ZNF730: variants seen among roughly 807,000 people sequenced by gnomAD.
The protein encoded by ZNF730 is zinc finger protein 730, also known as putative zinc finger protein 730.
In ZNF730, 12 loss-of-function variants were observed where a neutral mutation model predicts 12.6. The observed-to-expected ratio is 0.95, with a 90% CI of 0.61 to 1.54. ZNF730 has a LOEUF of 1.54. Ranked by LOEUF, ZNF730 falls within the 40% of genes most tolerant of loss-of-function variation. The pLI, the probability that ZNF730 is intolerant of heterozygous loss-of-function variation, is 0.00. For synonymous variants in ZNF730, 194 were observed against 195.8 expected, an observed-to-expected ratio of 0.99 and a Z score of 0.08; for missense variants, 643 against 583.5, an observed-to-expected ratio of 1.10 and a Z score of -1.05.
At chr19:23,134,424 G>C (rs1323599380) in intron 2 of ZNF730, among the ~76,000 whole-genome samples, 2 of 144,462 alleles carry the variant, frequency 1.4e-5, no homozygotes, top group Non-Finnish European at 3.1e-5. Flanking sequence ...CGCCCAGTCC[G>C]GGAGGGAGGC....
At chr19:23,102,005 A>G (rs1369324059) in intron 1 of ZNF730, among the ~76,000 whole-genome samples, 12 of 152,124 alleles carry the variant, frequency 7.9e-5, no homozygotes, top group Admixed American at 7.9e-4. Context: ...ACTATTTTGC[A>G]TGTTAGGACA....
intron 1 of ZNF730, among the ~76,000 whole-genome samples, chr19:23,089,120 G>C (rs868733662): frequency 1.7e-4 from 26 of 151,992 alleles, no homozygotes; most frequent in Middle Eastern, 3.2e-3. Flanking sequence ...GATCCACCTG[G>C]CTCGACCTCC....
chr19:23,097,316 T>A (rs1970268988), intron 1 of ZNF730, among the ~76,000 whole-genome samples: 1 of 152,144 alleles, frequency 6.6e-6, no homozygotes, highest in Non-Finnish European at 1.5e-5. Flanking sequence ...CATTGTGACA[T>A]ATCTCTGTGT....
chr19:23,117,508 T>C (rs1599587895), intron 1 of ZNF730, among the ~76,000 whole-genome samples: 2 of 152,160 alleles, frequency 1.3e-5, no homozygotes, highest in Non-Finnish European at 2.9e-5. Flanking sequence ...GGGCTGCGGG[T>C]TCATGAATGG....
chr19:23,111,521 T>C (rs1599584419), intron 1 of ZNF730, among the ~76,000 whole-genome samples: 1 of 152,028 alleles, frequency 6.6e-6, no homozygotes, highest in East Asian at 1.9e-4. Flanking sequence ...CTGAGGTGGG[T>C]GGAACACTTG....
At position 23,144,757 on chromosome 19, in the gene ZNF730, C is replaced by A. The variant is rs1176936693; in HGVS notation, c.227-514C>A. ...TACATTTGTTCTCTGTCTGTGATAC[C>A]ACAGTCTCTCTGATGCTGTAAAACT... On this transcript the variant is annotated intron_variant, in intron 3 of 3. Coordinates refer to ENST00000597761, the MANE Select transcript of ZNF730 (RefSeq NM_001277403.2). Among the ~76,000 whole-genome samples the A allele has an allele frequency of 2.7e-5, 4 of 148,744 alleles. No individual in the cohort carries two copies. In the East Asian group the frequency reaches 6.0e-4, roughly 22 times the overall value.
At chr19:23,122,767 G>T (rs891588493) in intron 1 of ZNF730, among the ~76,000 whole-genome samples, 1 of 152,046 alleles carries the variant, frequency 6.6e-6, no homozygotes, top group East Asian at 1.9e-4. Context: ...ATGAATATAA[G>T]GCTACAATAT....
intron 1 of ZNF730, chr19:23,128,546 C>A: frequency 4.1e-6 from 1 of 241,244 alleles, no homozygotes; most frequent in Non-Finnish European, 8.4e-6. Flanking sequence ...AGAGCTAATC[C>A]AAACAATTTT....
chr19:23,134,894 GCCTTGGGAT>G (rs1371911447), intron 2 of ZNF730, among the ~76,000 whole-genome samples: 4 of 93,970 alleles, frequency 4.3e-5, no homozygotes, highest in Middle Eastern at 4.2e-3. Flanking sequence ...AAATTCTTCT[GCCTTGGGAT>G]CCTGTTGATC....
chr19:23,078,279 T>G (rs531912455), intron 1 of ZNF730, among the ~76,000 whole-genome samples: 11 of 151,896 alleles, frequency 7.2e-5, no homozygotes, highest in Non-Finnish European at 7.4e-5. Flanking sequence ...ATGATTTATA[T>G]TATTCCCGGA....
chr19:23,078,697 C>G (rs1374505724), intron 1 of ZNF730, among the ~76,000 whole-genome samples: 1 of 152,322 alleles, frequency 6.6e-6, no homozygotes, highest in Admixed American at 6.5e-5. Context: ...GTGTCTCTTT[C>G]TTTTCTCAGT....
At chr19:23,126,146 T>A (rs76883764) in intron 1 of ZNF730, among the ~76,000 whole-genome samples, 6,027 of 152,288 alleles carry the variant, frequency 0.04, 134 homozygotes, top group East Asian at 0.11. Flanking sequence ...AACAAAATTT[T>A]AAAAAATTCT....
chr19:23,133,026 T>A (rs1369415311), intron 1 of ZNF730, among the ~76,000 whole-genome samples: 1 of 152,338 alleles, frequency 6.6e-6, no homozygotes, highest in East Asian at 1.9e-4. Flanking sequence ...CTTAGTCCAG[T>A]TGATATTAGT....
At chr19:23,120,670 TTTC>T (rs1970587687) in intron 1 of ZNF730, among the ~76,000 whole-genome samples, 1 of 152,136 alleles carries the variant, frequency 6.6e-6, no homozygotes, top group African/African-American at 2.4e-5. Context: ...ACTCAATAGA[TTTC>T]TTATTTGTAT....
At chr19:23,116,315 TTTTCTTTTCTTTCTTTCTTTCC>T (rs1970520379), upstream of ZNF730, among the ~76,000 whole-genome samples, 1 of 149,624 alleles carries the variant, frequency 6.7e-6, no homozygotes, top group Non-Finnish European at 1.5e-5. Flanking sequence ...TTTTCTTTTC[TTTTCTTTTCTTTCTTTCTTTCC>T]TTTCTTTCCT....
intron 2 of ZNF730, among the ~76,000 whole-genome samples, chr19:23,135,221 TAAAAAAAAAAAAAAAAAAAAAA>T (rs57748615): frequency 2.7e-3 from 103 of 38,828 alleles, no homozygotes; most frequent in Middle Eastern, 0.016. Flanking sequence ...GAATGATCAA[TAAAAAAAAAAAAAAAAAAAAAA>T]AAAAAAAAAA....
intron 3 of ZNF730, among the ~76,000 whole-genome samples, chr19:23,143,228 G>C (rs554630839): frequency 3.3e-5 from 5 of 151,866 alleles, no homozygotes; most frequent in Non-Finnish European, 5.9e-5. Flanking sequence ...CTGGGGGACA[G>C]AGCGAGACTC....
intron 1 of ZNF730, chr19:23,127,582 C>T: frequency 1.1e-6 from 1 of 934,714 alleles, no homozygotes; most frequent in Non-Finnish European, 1.8e-6. Context: ...AGATAAATTG[C>T]TCATGTTGCT....
intron 1 of ZNF730, among the ~76,000 whole-genome samples, chr19:23,107,173 A>T (rs1970402499): frequency 6.7e-6 from 1 of 149,858 alleles, no homozygotes; most frequent in Non-Finnish European, 1.5e-5. Context: ...AGTGATTTTC[A>T]TGTTTGAGCC....
Sources: gnomAD v4.1 joint callset for allele counts (sites outside exome capture counted in the v4.1 genomes callset) on GRCh38, gnomAD v4.1.1 for gene constraint, MANE v1.5 for transcripts, NCBI Gene and HGNC (gene_info 2026-07-23, HGNC 2026-07-21) for gene names.